The following PYCR2 variants were observed in gnomAD, a reference collection of about 807,000 sequenced individuals.
PYCR2 encodes P5C reductase 2.
A neutral mutation model predicts 23.4 loss-of-function variants in PYCR2; 17 were observed. That is an observed-to-expected ratio of 0.73 (90% confidence interval 0.50 to 1.09). The LOEUF (loss-of-function observed/expected upper bound fraction) is 1.09, where lower values mean the gene tolerates loss of function less well. Ranked by LOEUF, PYCR2 falls within the 50% of genes least tolerant of loss-of-function variation. The probability of loss-of-function intolerance (pLI) is 0.00; values close to 1 mark genes in which losing one functional copy is unlikely to be tolerated. For missense variants in PYCR2, 380 were observed against 423.5 expected, an observed-to-expected ratio of 0.90 and a Z score of 0.90; for synonymous variants, 172 against 176.6, an observed-to-expected ratio of 0.97 and a Z score of 0.21.
chr1:225,922,569 T>C (rs1457175513), intron 2 of PYCR2, 186 bp from the exon 3 acceptor site: 2 of 619,350 alleles, frequency 3.2e-6, no homozygotes, highest in East Asian at 2.8e-5. Flanking sequence ...ACTGGACAAG[T>C]AAGCACAGGC....
chr1:225,922,315 A>T lies in PYCR2; in HGVS notation c.207T>A (p.Ala69=). Residue 69 remains alanine (A), a synonymous_variant, in exon 3 of 7, where the codon GCT becomes GCA. Transcript: ENST00000343818. Reference sequence around the variant, plus strand: ...TGAAGGGGATGATATGTGGCTTCACAGCCAGAAACAGGACGTCGCTGTGCT... The same window carrying T: ...TGAAGGGGATGATATGTGGCTTCACTGCCAGAAACAGGACGTCGCTGTGCT... ...TVKHSDVLFL[A]VKPHIIPFIL... is the part of the protein sequence containing the mutation. 6.2e-7 allele frequency: 1 copy of T among 1,614,216 alleles called. No individual in the cohort carries two copies. The highest frequency in any genetic ancestry group is 8.5e-7 in the Non-Finnish European group (1 of 1,180,028).
In PYCR2 at chr1:225,921,356, G is replaced by C. The variant is rs749494891; in HGVS notation, c.649C>G (p.Leu217Val). 7 of 1,545,950 alleles carry C rather than the reference G, an allele frequency of 4.5e-6. No individual in the cohort carries two copies. In the Admixed American group the frequency reaches 1.2e-4, roughly 26 times the overall value. The change falls in exon 6 of 7, where the codon CTG becomes GTG. Residue 217 changes from leucine (L) to valine (V), a missense_variant. Coordinates refer to ENST00000343818, the MANE Select transcript of PYCR2 (RefSeq NM_013328.4). The surrounding 1 kb of genome is among the most constrained non-coding windows in gnomAD (Gnocchi z 4.2). ...AQALLGAAKM[L>V]LDSEQHPCQL... ...CATGGATGCTGCTCCGAGTCCAGCAGCATCTTGGCAGCTCCCTATGGGGAA... is the reference window on the plus strand; with the variant it reads ...CATGGATGCTGCTCCGAGTCCAGCACCATCTTGGCAGCTCCCTATGGGGAA...
In PYCR2 at chr1:225,920,069, TCTC is replaced by T. The variant is rs749728158; in HGVS notation, c.*383_*385del. On this transcript the variant is annotated 3_prime_UTR_variant, in exon 7 of 7. Transcript: ENST00000343818. ...TTCAGAGAAAGCCCGTTTCCTGTTTTCTCCTCACCACTTTGCCTTGGCATCACA... is the reference window on the plus strand; with the variant it reads ...TTCAGAGAAAGCCCGTTTCCTGTTTTCTCACCACTTTGCCTTGGCATCACA... The T allele has an allele frequency of 2.5e-5, 4 of 162,104 alleles. No individual in the cohort carries two copies. The highest frequency in any genetic ancestry group is 4.0e-5 in the Non-Finnish European group (3 of 74,608). The allele number at this position is 162,104 out of a possible 1,614,324, so 10.0% of individuals were successfully genotyped here.
Position 225,921,462 on chromosome 1 carries a change from C to G in PYCR2, c.633+90G>C, listed in dbSNP as rs1671834983. On this transcript the variant is annotated intron_variant, in intron 5 of 6. Transcript: ENST00000343818. This position sits in a 1 kb window ranked among gnomAD's most constrained non-coding sequence, Gnocchi z 4.2. Reference sequence around the variant, plus strand: ...TGCTCCTGCCCAACTGCTACCCCAGCTTCCCAACCAACTCCCACCTCAGTT... The same window carrying G: ...TGCTCCTGCCCAACTGCTACCCCAGGTTCCCAACCAACTCCCACCTCAGTT... The G allele has an allele frequency of 6.4e-7, 1 of 1,560,884 alleles. No homozygotes were observed. Among genetic ancestry groups the G allele is most frequent in the South Asian group, 1.1e-5 (1 of 88,826 alleles).
rs1671854739 is a variant in PYCR2, at chr1:225,921,994, TAC to T, written c.402_403del (p.Tyr135ArgfsTer26). On this transcript the variant is annotated frameshift_variant, in exon 4 of 7. Transcript: ENST00000343818. LOFTEE classifies it high-confidence loss of function. This position sits in a 1 kb window ranked among gnomAD's most constrained non-coding sequence, Gnocchi z 4.2. Reference sequence around the variant, plus strand: ...CACCAGGGCATGGGTGCCCGTGGCGTACACTGTAGCGCCTTCCTGCACTACCA... The same window carrying T: ...CACCAGGGCATGGGTGCCCGTGGCGTACTGTAGCGCCTTCCTGCACTACCA... The T allele has an allele frequency of 4.3e-6, 7 of 1,614,188 alleles. No individual in the cohort carries two copies. Among genetic ancestry groups the T allele is most frequent in the Non-Finnish European group, 5.9e-6 (7 of 1,180,022 alleles).
Position 225,921,759 on chromosome 1 carries a change from T to A in PYCR2, c.540+99A>T. 3 of 1,582,168 alleles carry A rather than the reference T, an allele frequency of 1.9e-6. No homozygotes were observed. Among genetic ancestry groups the A allele is most frequent in the African/African-American group, 2.7e-5 (2 of 74,270 alleles). ...GTCAGCATCCTGTACCAGCCAGCTG[T>A]GCCCAAGAGGTGGGCGCCACCCCCA... On this transcript the variant is annotated intron_variant, in intron 4 of 6. Transcript: ENST00000343818. This position sits in a 1 kb window ranked among gnomAD's most constrained non-coding sequence, Gnocchi z 4.2.
At chr1:225,923,093 C>CT in intron 2 of PYCR2, 1 of 882,024 alleles carries the variant, frequency 1.1e-6, no homozygotes, top group Non-Finnish European at 1.4e-6. Flanking sequence ...TGGCTGAGTA[C>CT]TTTAAGGTCA....
At position 225,921,687 on chromosome 1, in the gene PYCR2, G is replaced by A. The variant is rs749108112; in HGVS notation, c.541-43C>T. On this transcript the variant is annotated intron_variant, in intron 4 of 6. Transcript: ENST00000343818. The surrounding 1 kb of genome is among the most constrained non-coding windows in gnomAD (Gnocchi z 4.2). ...AAGCCCCAGGCCATAGGCACTGAAG[G>A]GCCTTTCCTTAGGTCTGCTTTCTGA... 2 of 1,605,418 alleles carry A rather than the reference G, an allele frequency of 1.2e-6. No individual in the cohort carries two copies. The highest frequency in any genetic ancestry group is 1.3e-5 in the African/African-American group (1 of 74,724).
At chr1:225,922,137 C>T in intron 3 of PYCR2, 58 bp from the exon 4 acceptor site, 1 of 1,606,430 alleles carries the variant, frequency 6.2e-7, no homozygotes, top group Non-Finnish European at 8.5e-7. Flanking sequence ...CCAGCACCCA[C>T]CCATTAGCTG....
chr1:225,920,563 G>C lies in PYCR2; in HGVS notation c.855C>G (p.Thr285=), dbSNP rs370131113. 19 of 1,609,374 alleles carry C rather than the reference G, an allele frequency of 1.2e-5. No individual in the cohort carries two copies. Among genetic ancestry groups the C allele is most frequent in the Non-Finnish European group, 1.6e-5 (19 of 1,175,948 alleles). Residue 285 remains threonine, a synonymous_variant, in exon 7 of 7, where the codon ACC becomes ACG. Coordinates refer to ENST00000343818, the MANE Select transcript of PYCR2 (RefSeq NM_013328.4). ...ATTCCAGCTTCACTCTGTCTAAGAG[G>C]GTCTTCTTAAGGGCAGCTGGGGAGA... is the stretch of plus-strand genomic sequence containing the variant. ...EKISPAALKK[T]LLDRVKLESP...
chr1:225,923,826 T>A, intron 1 of PYCR2, 55 bp from the exon 2 acceptor site: 1 of 1,610,594 alleles, frequency 6.2e-7, no homozygotes, highest in Middle Eastern at 1.7e-4. Flanking sequence ...GTTACCACGC[T>A]TTCCCTGGCT....
At chr1:225,923,365 T>C (rs1211672840) in intron 2 of PYCR2, 3 of 871,056 alleles carry the variant, frequency 3.4e-6, no homozygotes, top group African/African-American at 1.8e-5. Flanking sequence ...GCACTCCAGC[T>C]TGGGCGACAG....
chr1:225,923,499 A>AC (rs1324417844), intron 2 of PYCR2: 6 of 1,425,064 alleles, frequency 4.2e-6, no homozygotes, highest in Non-Finnish European at 4.6e-6. Context: ...TCTGGATCTG[A>AC]CCCCCAGTTA....
chr1:225,922,375 AC>A lies in PYCR2; in HGVS notation c.146del (p.Gly49ValfsTer2), dbSNP rs1671866686. ...CCTTGTTGCTGCGTGTCAGGTTCACACCCATCTTCTGCAAGAGGAGACTCCC... is the reference window on the plus strand; with the variant it reads ...CCTTGTTGCTGCGTGTCAGGTTCACACCATCTTCTGCAAGAGGAGACTCCC... The part of the protein sequence containing the change: ...LPTVSALRKM[G>X]VNLTRSNKET... On this transcript the variant is annotated frameshift_variant, in exon 3 of 7. Coordinates refer to ENST00000343818, the MANE Select transcript of PYCR2 (RefSeq NM_013328.4). LOFTEE classifies it high-confidence loss of function. 6.2e-7 allele frequency: 1 copy of A among 1,609,270 alleles called. No homozygotes were observed.
chr1:225,921,728 C>T lies in PYCR2; in HGVS notation c.541-84G>A, dbSNP rs1212018912. On this transcript the variant is annotated intron_variant, in intron 4 of 6. Transcript: ENST00000343818. This position sits in a 1 kb window ranked among gnomAD's most constrained non-coding sequence, Gnocchi z 4.2. ...TGCTTTCTGATGACTAGAACTAGCT[C>T]CAAGGGTCAGCATCCTGTACCAGCC... is the stretch of plus-strand genomic sequence containing the variant. 1 of 1,588,550 alleles carries T rather than the reference C, an allele frequency of 6.3e-7. No individual in the cohort carries two copies. Among genetic ancestry groups the T allele is most frequent in the African/African-American group, 1.3e-5 (1 of 74,474 alleles).
chr1:225,923,487 T>A, intron 2 of PYCR2: 1 of 1,410,450 alleles, frequency 7.1e-7, no homozygotes, highest in African/African-American at 1.4e-5. Context: ...ACCACTCCAG[T>A]GTCTGGATCT....
chr1:225,922,333 G>A lies in PYCR2; in HGVS notation c.189C>T (p.Ser63=), dbSNP rs746455226. ...GCTTCACAGCCAGAAACAGGACGTC[G>A]CTGTGCTTCACCGTCTCCTTGTTGC... ...TRSNKETVKH[S]DVLFLAVKPH... is the part of the protein sequence containing the mutation. The change falls in exon 3 of 7, where the codon AGC becomes AGT. Residue 63 remains serine, a synonymous_variant. Transcript: ENST00000343818. The A allele has an allele frequency of 1.9e-5, 31 of 1,614,040 alleles. No individual in the cohort carries two copies. The highest frequency in any genetic ancestry group is 8.0e-5 in the African/African-American group (6 of 74,926).
chr1:225,924,160 G>T lies in PYCR2; in HGVS notation c.-50C>A, dbSNP rs370168043. 1.4e-5 allele frequency: 21 copies of T among 1,515,506 alleles called. No homozygotes were observed. Among genetic ancestry groups the T allele is most frequent in the African/African-American group, 1.4e-5 (1 of 72,098 alleles). The allele number at this position is 1,515,506 out of a possible 1,614,324, so 93.9% of individuals were successfully genotyped here. ...AGCCGCACGAACCCCCTCAGCGAGG[G>T]ACCGGAAGTAACGCTAGGGGAAGGG... On this transcript the variant is annotated 5_prime_UTR_variant, in exon 1 of 7. Transcript: ENST00000343818.
In PYCR2 at chr1:225,921,778, AC is replaced by A. The variant is rs1389489458; in HGVS notation, c.540+79del. 1.9e-6 allele frequency: 3 copies of A among 1,591,262 alleles called. No homozygotes were observed. The highest frequency in any genetic ancestry group is 4.5e-5 in the East Asian group (2 of 44,230). ...CAGCTGTGCCCAAGAGGTGGGCGCCACCCCCAGTCCAAGCCTGCCTGCCAGC... is the reference window on the plus strand; with the variant it reads ...CAGCTGTGCCCAAGAGGTGGGCGCCACCCCAGTCCAAGCCTGCCTGCCAGC... On this transcript the variant is annotated intron_variant, in intron 4 of 6. Transcript: ENST00000343818. This position sits in a 1 kb window ranked among gnomAD's most constrained non-coding sequence, Gnocchi z 4.2.
Sources: gnomAD v4.1 joint callset for allele counts on GRCh38, gnomAD v4.1.1 for gene constraint, Gnocchi (gnomAD v3.1) non-coding constraint, MANE v1.5 for transcripts, NCBI Gene and HGNC (gene_info 2026-07-23, HGNC 2026-07-21) for gene names.